Variants in USP31 observed in about 807,000 individuals in gnomAD.
The protein encoded by USP31 is ubiquitin specific peptidase 31, also known as ubiquitin carboxyl-terminal hydrolase 31.
USP31 carries 44 observed loss-of-function variants against 119.4 expected under a neutral mutation model. That is an observed-to-expected ratio of 0.37 (90% confidence interval 0.29 to 0.47). The LOEUF (loss-of-function observed/expected upper bound fraction) is 0.47. Ranked by LOEUF, USP31 falls within the 20% of genes least tolerant of loss-of-function variation. The pLI is 0.99. For synonymous variants in USP31, 749 were observed against 705.6 expected (o/e 1.06, Z -0.97); for missense variants, 1,643 against 1,730.2 (o/e 0.95, Z 0.89).
chr16:23,095,965 CATA>C (rs1901588746), intron 6 of USP31, among the ~76,000 whole-genome samples: 2 of 152,252 alleles, frequency 1.3e-5, no homozygotes, highest in Non-Finnish European at 2.9e-5. Context: ...CAAATAACAT[CATA>C]ATAACAGGAT....
rs1365360042 is a variant in USP31, at chr16:23,068,389, C to T, written c.3716G>A (p.Arg1239Gln). ...FKSALRQKET[R>Q]RSTDLGKTAL... ...TGTCTTGCCAAGATCCGTCGAGCGC[C>T]GGGTTTCCTTCTGTCTCAAGGCTGA... The change falls in exon 16 of 16, where the codon CGG becomes CAG. Residue 1239 changes from arginine to glutamine, a missense_variant. By Grantham distance (43) the Arg-to-Gln change is conservative. Around this residue, in one of 5 missense-constraint regions of USP31, gnomAD observed 699 missense variants for 650.9 expected, o/e 1.07. Transcript: ENST00000219689. The T allele has an allele frequency of 1.2e-6, 2 of 1,613,884 alleles. No homozygotes were observed. Among genetic ancestry groups the T allele is most frequent in the Middle Eastern group, 1.7e-4 (1 of 6,052 alleles).
chr16:23,129,983 T>C (rs1010833120), intron 1 of USP31, among the ~76,000 whole-genome samples: 4 of 152,216 alleles, frequency 2.6e-5, no homozygotes, highest in Admixed American at 2.0e-4. Context: ...GATTTCTCTA[T>C]ACCAGGCACC....
In USP31 at chr16:23,085,613, C is replaced by T; in HGVS notation, c.1672G>A (p.Val558Ile). The T allele has an allele frequency of 1.2e-6, 2 of 1,614,036 alleles. No homozygotes were observed. The highest frequency in any genetic ancestry group is 1.7e-6 in the Non-Finnish European group (2 of 1,179,970). The change falls in exon 10 of 16, where the codon GTC becomes ATC. Residue 558 changes from valine to isoleucine, a missense_variant. Physicochemically the swap from Val to Ile is conservative, Grantham distance 29 (BLOSUM62 3). Coordinates refer to ENST00000219689, the MANE Select transcript of USP31 (RefSeq NM_020718.4). ...TCTCTTGTCTCCTTGTCCCACTCGA[C>T]TACTAATTTCACATGAGCAGTGCCA... ...PGGTAHVKLVVEWDKETRDFL... is the reference protein window; with the variant it reads ...PGGTAHVKLVIEWDKETRDFL...
At chr16:23,094,376 A>G (rs1167688010) in intron 6 of USP31, among the ~76,000 whole-genome samples, 2 of 152,258 alleles carry the variant, frequency 1.3e-5, no homozygotes, top group African/African-American at 4.8e-5. Flanking sequence ...CTCACAGCTC[A>G]GCAAGGCCTG....
At chr16:23,087,001 C>T in intron 9 of USP31, 91 bp downstream of exon 9, 1 of 981,592 alleles carries the variant, frequency 1.0e-6, no homozygotes, top group Non-Finnish European at 1.5e-6. Flanking sequence ...ACCCTGCACA[C>T]TTATGTGGAA....
At chr16:23,093,063 G>A (rs1253445917) in intron 6 of USP31, among the ~76,000 whole-genome samples, 2 of 152,116 alleles carry the variant, frequency 1.3e-5, no homozygotes, top group African/African-American at 4.8e-5. Context: ...CTAAATGTAA[G>A]AGCTAAAACT....
intron 6 of USP31, among the ~76,000 whole-genome samples, chr16:23,091,337 C>T (rs1366813772): frequency 6.6e-6 from 1 of 152,114 alleles, no homozygotes; most frequent in Non-Finnish European, 1.5e-5. Flanking sequence ...TTAAAGTTAA[C>T]AAAAATATAT....
intron 5 of USP31, 72 bp downstream of exon 5, chr16:23,105,369 T>TA: frequency 2.8e-6 from 4 of 1,438,618 alleles, no homozygotes; most frequent in South Asian, 1.7e-5. Context: ...CAAAGAACTG[T>TA]AAAAAATTCT....
At position 23,068,897 on chromosome 16, in the gene USP31, G is replaced by A; in HGVS notation, c.3208C>T (p.Pro1070Ser). The stretch of plus-strand genomic sequence containing the variant: ...TCTGCTTTGCTGCGGGAGCGGGAGG[G>A]CTTTAGAGAGACTTTTACAGGAAGA... ...SPLPVKVSLKPSRSRSKADSS... is the reference protein window; with the variant it reads ...SPLPVKVSLKSSRSRSKADSS... Residue 1070 changes from proline (P) to serine (S), a missense_variant, in exon 16 of 16, where the codon CCC becomes TCC. By Grantham distance (74) the Pro-to-Ser change is moderately conservative. This residue lies in a region of USP31 where 699 missense variants were observed against 650.9 expected (regional missense o/e 1.07). Coordinates refer to ENST00000219689, the MANE Select transcript of USP31 (RefSeq NM_020718.4). 6.2e-7 allele frequency: 1 copy of A among 1,610,612 alleles called. No individual in the cohort carries two copies. The highest frequency in any genetic ancestry group is 8.5e-7 in the Non-Finnish European group (1 of 1,178,530).
At chr16:23,086,819 T>A (rs183688091) in intron 9 of USP31, among the ~76,000 whole-genome samples, 1 of 152,346 alleles carries the variant, frequency 6.6e-6, no homozygotes, top group East Asian at 1.9e-4. Flanking sequence ...CAAAACTTCA[T>A]TCCTGGTGAA....
chr16:23,102,289 G>A, intron 6 of USP31, 30 bp downstream of exon 6: 2 of 1,597,454 alleles, frequency 1.3e-6, no homozygotes, highest in Non-Finnish European at 1.7e-6. Flanking sequence ...GCAAACCCAG[G>A]TGGCATTATG....
In USP31 at chr16:23,069,306, C is replaced by T; in HGVS notation, c.2799G>A (p.Glu933=). Residue 933 remains glutamate (E), a synonymous_variant, in exon 16 of 16, where the codon GAG becomes GAA. Coordinates refer to ENST00000219689, the MANE Select transcript of USP31 (RefSeq NM_020718.4). The part of the protein sequence containing the change: ...QEPSDSHSRR[E]HKAVGRAPLA... ...GAGGGGCCCGGCCCACAGCCTTGTG[C>T]TCACGGCGACTATGACTGTCGCTTG... The T allele has an allele frequency of 6.2e-7, 1 of 1,607,592 alleles. No homozygotes were observed. The highest frequency in any genetic ancestry group is 8.5e-7 in the Non-Finnish European group (1 of 1,176,750).
intron 1 of USP31, among the ~76,000 whole-genome samples, chr16:23,127,085 C>T (rs770929560): frequency 4.6e-5 from 7 of 151,936 alleles, no homozygotes; most frequent in Non-Finnish European, 8.8e-5. Flanking sequence ...TATGATGCAA[C>T]AAAATCAAAT....
At chr16:23,123,971 C>T (rs941448163) in intron 1 of USP31, among the ~76,000 whole-genome samples, 1 of 151,656 alleles carries the variant, frequency 6.6e-6, no homozygotes, top group Non-Finnish European at 1.5e-5. Flanking sequence ...TGCACTCCAG[C>T]CTGGGAGACA....
chr16:23,066,509 T>C lies in USP31; in HGVS notation c.*1537A>G, dbSNP rs374849669. 1 of 152,202 alleles carries C rather than the reference T, an allele frequency of 6.6e-6. No individual in the cohort carries two copies. Among genetic ancestry groups the C allele is most frequent in the Admixed American group, 6.5e-5 (1 of 15,276 alleles). The allele number at this position is 152,202 out of a possible 1,614,324, so 9.4% of individuals were successfully genotyped here. ...CAATACTGAAAAGGGAGGTTATATA[T>C]GGATCTGTGCACCAAGGGTTCAAGA... On this transcript the variant is annotated 3_prime_UTR_variant, in exon 16 of 16. Transcript: ENST00000219689.
At chr16:23,108,476 A>G (rs964886844) in intron 1 of USP31, among the ~76,000 whole-genome samples, 2 of 152,248 alleles carry the variant, frequency 1.3e-5, no homozygotes, top group African/African-American at 2.4e-5. Flanking sequence ...GGTTTATAAA[A>G]GCAAATAATT....
intron 1 of USP31, among the ~76,000 whole-genome samples, chr16:23,131,755 C>T (rs1051928092): frequency 2.6e-5 from 4 of 152,158 alleles, no homozygotes; most frequent in Non-Finnish European, 5.9e-5. Flanking sequence ...TATGGCCCTA[C>T]ACAAATAAGC....
chr16:23,113,747 C>A (rs1411374430), intron 1 of USP31, among the ~76,000 whole-genome samples: 1 of 152,140 alleles, frequency 6.6e-6, no homozygotes, highest in Non-Finnish European at 1.5e-5. Context: ...TGGAGGGGAC[C>A]TTCAGGAGCA....
intron 14 of USP31, chr16:23,072,594 A>G (rs980145692): frequency 2.0e-5 from 10 of 499,284 alleles, no homozygotes; most frequent in African/African-American, 1.3e-4. Context: ...TTACACAAAG[A>G]GAAGAGAGGA....
Sources: gnomAD v4.1 joint callset for allele counts (sites outside exome capture counted in the v4.1 genomes callset) on GRCh38, gnomAD v4.1.1 for gene constraint, gnomAD v4.1.1 regional missense constraint, MANE v1.5 for transcripts, NCBI Gene and HGNC (gene_info 2026-07-23, HGNC 2026-07-21) for gene names.